The following ZFHX4 variants were observed in gnomAD, a reference collection of about 807,000 sequenced individuals.
ZFHX4 encodes zinc finger homeobox protein 4.
ZFHX4 carries 56 observed loss-of-function variants against 267.6 expected under a neutral mutation model. That is an observed-to-expected ratio of 0.21 (90% CI 0.17 to 0.26). The LOEUF (loss-of-function observed/expected upper bound fraction) is 0.26, where lower values mean the gene tolerates loss of function less well. Ranked by LOEUF, ZFHX4 falls within the 10% of genes least tolerant of loss-of-function variation. The pLI is 1.00. For missense variants in ZFHX4, 4,332 were observed against 4,420.0 expected (o/e 0.98, Z 0.56); for synonymous variants, 1,778 against 1,665.6 (o/e 1.07, Z -1.64).
chr8:76,766,216 A>T (rs990304744), intron 3 of ZFHX4, among the ~76,000 whole-genome samples: 4 of 152,096 alleles, frequency 2.6e-5, no homozygotes, highest in African/African-American at 9.7e-5. Flanking sequence ...TGATGTCAAA[A>T]ATTTTATATA....
chr8:76,855,362 C>G lies in ZFHX4; in HGVS notation c.8441C>G (p.Thr2814Ser). 1 of 1,613,700 alleles carries G rather than the reference C, an allele frequency of 6.2e-7. No homozygotes were observed. Among genetic ancestry groups the G allele is most frequent in the Non-Finnish European group, 8.5e-7 (1 of 1,179,822 alleles). The part of the protein sequence containing the change: ...SSINTAISDA[T>S]TGDEGNTEME... ...ATTAATACGGCAATCAGTGACGCCACCACCGGAGACGAGGGAAACACTGAA... is the reference window on the plus strand; with the variant it reads ...ATTAATACGGCAATCAGTGACGCCAGCACCGGAGACGAGGGAAACACTGAA... Residue 2814 changes from threonine to serine, a missense_variant, in exon 10 of 11, where the codon ACC becomes AGC. Coordinates refer to ENST00000651372, the MANE Select transcript of ZFHX4 (RefSeq NM_024721.5).
chr8:76,852,204 A>T lies in ZFHX4; in HGVS notation c.5283A>T (p.Thr1761=). ...ATTTGGGCTTGCCAGGCTCTGCCACATTTGGGATGCCTGGCATGACAGGAA... is the reference window on the plus strand; with the variant it reads ...ATTTGGGCTTGCCAGGCTCTGCCACTTTTGGGATGCCTGGCATGACAGGAA... ...GPDLGLPGSA[T]FGMPGMTGMA... is the part of the protein sequence containing the mutation. Residue 1761 remains threonine, a synonymous_variant, in exon 10 of 11, where the codon ACA becomes ACT. Transcript: ENST00000651372. 1 of 1,613,780 alleles carries T rather than the reference A, an allele frequency of 6.2e-7. No homozygotes were observed. Among genetic ancestry groups the T allele is most frequent in the Non-Finnish European group, 8.5e-7 (1 of 1,179,802 alleles).
chr8:76,743,721 A>G (rs1174834516), intron 3 of ZFHX4, among the ~76,000 whole-genome samples: 1 of 152,190 alleles, frequency 6.6e-6, no homozygotes, highest in Non-Finnish European at 1.5e-5. Flanking sequence ...TAATAGTCAC[A>G]TTGTCAACAT....
chr8:76,813,173 G>A (rs1450911156), intron 4 of ZFHX4, among the ~76,000 whole-genome samples: 1 of 152,000 alleles, frequency 6.6e-6, no homozygotes, highest in African/African-American at 2.4e-5. Context: ...GGGATTTATT[G>A]GGGGAGGGGA....
intron 3 of ZFHX4, among the ~76,000 whole-genome samples, chr8:76,751,886 G>T (rs1408961291): frequency 6.6e-6 from 1 of 152,076 alleles, no homozygotes; most frequent in Non-Finnish European, 1.5e-5. Context: ...TCCTAAGGTG[G>T]TCATCAACCG....
intron 1 of ZFHX4, among the ~76,000 whole-genome samples, chr8:76,682,335 C>A (rs559331186): frequency 6.6e-6 from 1 of 152,184 alleles, no homozygotes; most frequent in African/African-American, 2.4e-5. Context: ...GCTTAGTGTG[C>A]GGGGCTGGCG....
chr8:76,863,125 G>C lies in ZFHX4; in HGVS notation c.9411G>C (p.Gly3137=). ...CACCTCCCGGTGCAGGCATGCTTGG[G>C]TTTCCTACTTCAGCTACTTCGTCTC... ...TLTPPGAGML[G]FPTSATSSPA... Residue 3137 remains glycine (G), a synonymous_variant, in exon 11 of 11, where the codon GGG becomes GGC. Transcript: ENST00000651372. 6.5e-7 allele frequency: 1 copy of C among 1,533,934 alleles called. No homozygotes were observed. The highest frequency in any genetic ancestry group is 8.8e-7 in the Non-Finnish European group (1 of 1,139,390).
intron 6 of ZFHX4, among the ~76,000 whole-genome samples, chr8:76,845,010 T>C (rs1050645231): frequency 2.6e-5 from 4 of 152,240 alleles, no homozygotes. Flanking sequence ...AAAAAAATAC[T>C]AGCAAGCTTA....
chr8:76,685,265 A>G (rs1049382548), intron 1 of ZFHX4, among the ~76,000 whole-genome samples: 1 of 152,188 alleles, frequency 6.6e-6, no homozygotes, highest in East Asian at 1.9e-4. Flanking sequence ...CTCTGCCTAT[A>G]TGATATTAAT....
rs140779319 is a variant in ZFHX4, at chr8:76,767,143, A to G, written c.3094-11065A>G. ...ATGAACATACAAATTAGAATGGCCT[A>G]AGCTTGCATTCCAGCTTTATTACTA... On this transcript the variant is annotated intron_variant, in intron 3 of 10. Coordinates refer to ENST00000651372, the MANE Select transcript of ZFHX4 (RefSeq NM_024721.5). Among the ~76,000 whole-genome samples, 387 of 152,086 alleles carry G rather than the reference A, an allele frequency of 2.5e-3. 2 individuals carry two copies. Among genetic ancestry groups the G allele is most frequent in the African/African-American group, 8.9e-3 (370 of 41,496 alleles).
intron 3 of ZFHX4, chr8:76,708,362 T>C: frequency 4.0e-6 from 1 of 250,670 alleles, no homozygotes. Context: ...CCTATTGATT[T>C]TTTTTTTTTT....
intron 3 of ZFHX4, among the ~76,000 whole-genome samples, chr8:76,711,390 C>T (rs1406635421): frequency 6.6e-6 from 1 of 152,194 alleles, no homozygotes; most frequent in East Asian, 1.9e-4. Context: ...ATAATCTTTA[C>T]TTTTAATGTT....
In ZFHX4 at chr8:76,851,640, G is replaced by A. The variant is rs1481151657; in HGVS notation, c.4719G>A (p.Leu1573=). 2 of 1,613,736 alleles carry A rather than the reference G, an allele frequency of 1.2e-6. No homozygotes were observed. The highest frequency in any genetic ancestry group is 2.2e-5 in the East Asian group (1 of 44,830). Residue 1573 remains leucine, a synonymous_variant, in exon 10 of 11, where the codon TTG becomes TTA. Coordinates refer to ENST00000651372, the MANE Select transcript of ZFHX4 (RefSeq NM_024721.5). ...VSHLHKLKKV[L]QEASSPVPQE... is the part of the protein sequence containing the mutation. ...ACTTGCATAAGCTGAAAAAAGTTTT[G>A]CAGGAAGCCTCCAGTCCTGTCCCAC...
At chr8:76,721,445 A>G (rs1021388854) in intron 3 of ZFHX4, among the ~76,000 whole-genome samples, 2 of 152,196 alleles carry the variant, frequency 1.3e-5, no homozygotes, top group Non-Finnish European at 2.9e-5. Context: ...GGCAAATGAG[A>G]CAGACACAAA....
intron 4 of ZFHX4, among the ~76,000 whole-genome samples, chr8:76,806,629 G>A (rs1382996231): frequency 6.6e-6 from 1 of 151,948 alleles, no homozygotes; most frequent in East Asian, 1.9e-4. Flanking sequence ...ACTTTCAAGA[G>A]ATTAAAAGAA....
intron 10 of ZFHX4, among the ~76,000 whole-genome samples, chr8:76,861,338 C>G (rs866353464): frequency 6.6e-6 from 1 of 152,124 alleles, no homozygotes; most frequent in African/African-American, 2.4e-5. Context: ...TTAGTCTCCT[C>G]TAGCTCATCT....
chr8:76,736,198 A>G (rs1336383500), intron 3 of ZFHX4, among the ~76,000 whole-genome samples: 1 of 152,010 alleles, frequency 6.6e-6, no homozygotes, highest in Admixed American at 6.6e-5. Flanking sequence ...AATCAAGGGA[A>G]GTGGCATGTA....
intron 4 of ZFHX4, among the ~76,000 whole-genome samples, chr8:76,814,007 A>T (rs757365965): frequency 2.6e-5 from 4 of 152,024 alleles, no homozygotes; most frequent in Non-Finnish European, 4.4e-5. Context: ...CTTCATGTAG[A>T]CATGTCCATG....
chr8:76,714,189 T>C lies in ZFHX4; in HGVS notation c.3093+6141T>C, dbSNP rs376131848. On this transcript the variant is annotated intron_variant, in intron 3 of 10. Coordinates refer to ENST00000651372, the MANE Select transcript of ZFHX4 (RefSeq NM_024721.5). ...AATGTGCTCTCCCTGTGTGTTTCTG[T>C]GGCTTAAATGTAATAGTCCCCGTCA... 1.1e-4 allele frequency among the ~76,000 whole-genome samples: 17 copies of C among 152,306 alleles called. No homozygotes were observed. The East Asian group carries it at 2.3e-3, about 21-fold the overall frequency.
Sources: gnomAD v4.1 joint callset for allele counts (sites outside exome capture counted in the v4.1 genomes callset) on GRCh38, gnomAD v4.1.1 for gene constraint, MANE v1.5 for transcripts, NCBI Gene and HGNC (gene_info 2026-07-23, HGNC 2026-07-21) for gene names.